MXD1: variants seen among roughly 807,000 people sequenced by gnomAD.
MXD1 encodes MAX dimerization protein 1.
In MXD1, 9 loss-of-function variants were observed where a neutral mutation model predicts 25.7. The observed-to-expected ratio is 0.35, with a 90% confidence interval of 0.21 to 0.61. The LOEUF (loss-of-function observed/expected upper bound fraction) is 0.61, where lower values mean the gene tolerates loss of function less well. MXD1 is among the 20% of genes least tolerant of loss of function. The probability of loss-of-function intolerance (pLI) is 0.75; values close to 1 mark genes in which losing one functional copy is unlikely to be tolerated. For missense variants in MXD1, 227 were observed against 292.4 expected (o/e 0.78, Z 1.63); for synonymous variants, 99 against 113.9 (o/e 0.87, Z 0.83).
intron 3 of MXD1, among the ~76,000 whole-genome samples, chr2:69,925,376 A>G (rs190950948): frequency 4.6e-4 from 70 of 152,326 alleles, no homozygotes; most frequent in African/African-American, 1.4e-3. Context: ...GAGAAAACCA[A>G]TGGAACTTGA....
rs1184431779 is a variant in MXD1, at chr2:69,942,009, C to T, written c.*3725C>T. The T allele has an allele frequency of 2.0e-5, 3 of 152,178 alleles. No individual in the cohort carries two copies. Among genetic ancestry groups the T allele is most frequent in the African/African-American group, 7.2e-5 (3 of 41,424 alleles). 9.4% of individuals were successfully genotyped at this position (152,178 alleles called of 1,614,324 possible). On this transcript the variant is annotated 3_prime_UTR_variant, in exon 6 of 6. Coordinates refer to ENST00000264444, the MANE Select transcript of MXD1 (RefSeq NM_002357.4). ...TTATTTTCTATTTTTTCATGAACCA[C>T]ACAGGAGACTTTAACATCCTGGTCT... is the stretch of plus-strand genomic sequence containing the variant.
chr2:69,925,772 T>C (rs1353259304), intron 3 of MXD1, among the ~76,000 whole-genome samples: 2 of 152,186 alleles, frequency 1.3e-5, no homozygotes, highest in Non-Finnish European at 2.9e-5. Flanking sequence ...AAAATCTCTG[T>C]CCAACATCAT....
rs1360034017 is a variant in MXD1, at chr2:69,942,369, T to C, written c.*4085T>C. ...AATAGGTGATTTATCATGGTTTTTT[T>C]CATTATCAATATTACATGGATGATT... On this transcript the variant is annotated 3_prime_UTR_variant, in exon 6 of 6. Transcript: ENST00000264444. 6.6e-6 allele frequency: 1 copy of C among 152,178 alleles called. No individual in the cohort carries two copies. Among genetic ancestry groups the C allele is most frequent in the Non-Finnish European group, 1.5e-5 (1 of 68,022 alleles). 9.4% of individuals were successfully genotyped at this position (152,178 alleles called of 1,614,324 possible).
In MXD1 at chr2:69,935,434, G is replaced by A; in HGVS notation, c.287G>A (p.Ser96Asn). The change falls in exon 4 of 6, where the codon AGT becomes AAT. Residue 96 changes from serine (S) to asparagine (N), a missense_variant. Physicochemically the swap from Ser to Asn is conservative, Grantham distance 46. Coordinates refer to ENST00000264444, the MANE Select transcript of MXD1 (RefSeq NM_002357.4). The part of the protein sequence containing the change: ...GPESSRHTTL[S>N]LLTKAKLHIK... Reference sequence around the variant, plus strand: ...GAATCAAGTCGACACACTACGTTGAGTTTATTAACAAAAGCCAAATTGCAC... The same window carrying A: ...GAATCAAGTCGACACACTACGTTGAATTTATTAACAAAAGCCAAATTGCAC... The A allele has an allele frequency of 6.2e-7, 1 of 1,614,054 alleles. No individual in the cohort carries two copies. Among genetic ancestry groups the A allele is most frequent in the Non-Finnish European group, 8.5e-7 (1 of 1,179,924 alleles).
intron 3 of MXD1, among the ~76,000 whole-genome samples, chr2:69,932,048 GT>G (rs1337128667): frequency 6.6e-6 from 1 of 152,222 alleles, no homozygotes; most frequent in Non-Finnish European, 1.5e-5. Flanking sequence ...ACCCCTGCTA[GT>G]TCCCCAAATG....
rs1182666987 is a variant in MXD1 at position 69,941,859 on chromosome 2, T to TACACACACAC, written c.*3576_*3577insCACACACACA. 7.4e-6 allele frequency: 1 copy of TACACACACAC among 135,182 alleles called. No homozygotes were observed. Among genetic ancestry groups the TACACACACAC allele is most frequent in the Non-Finnish European group, 1.5e-5 (1 of 66,490 alleles). 8.4% of individuals were successfully genotyped at this position (135,182 alleles called of 1,614,324 possible). ...AGAACTTATTTTTGAAAAGTATCTA[T>TACACACACAC]ATATACACACACACACACACACACA... On this transcript the variant is annotated 3_prime_UTR_variant, in exon 6 of 6. Transcript: ENST00000264444.
intron 2 of MXD1, among the ~76,000 whole-genome samples, chr2:69,918,559 A>T (rs1677002632): frequency 6.6e-6 from 1 of 152,328 alleles, no homozygotes; most frequent in Middle Eastern, 3.4e-3. Context: ...GTTTTGTTCA[A>T]TGAGTAAAGC....
chr2:69,928,677 G>A (rs1178510598), intron 3 of MXD1, among the ~76,000 whole-genome samples: 2 of 150,154 alleles, frequency 1.3e-5, no homozygotes, highest in Non-Finnish European at 3.0e-5. Context: ...GACCAGCCTG[G>A]GCAACATAGT....
chr2:69,926,016 C>A (rs371733543), intron 3 of MXD1, among the ~76,000 whole-genome samples: 11 of 152,222 alleles, frequency 7.2e-5, no homozygotes, highest in African/African-American at 2.6e-4. Flanking sequence ...ATTTTTATGT[C>A]TTTGACTCTG....
rs1306418901 is a variant in MXD1 at position 69,937,397 on chromosome 2, G to A, written c.478+3G>A. On this transcript the variant is annotated splice_donor_region_variant and intron_variant, in intron 5 of 5. Transcript: ENST00000264444. ...GGAGCGCTCCGACTCCGACAGGGGT[G>A]AGCCTCTCTCACTCTCCTCCCTGTC... 6.2e-7 allele frequency: 1 copy of A among 1,600,582 alleles called. No homozygotes were observed. The highest frequency in any genetic ancestry group is 8.5e-7 in the Non-Finnish European group (1 of 1,173,020).
intron 3 of MXD1, among the ~76,000 whole-genome samples, chr2:69,931,635 T>A (rs1677287437): frequency 6.6e-6 from 1 of 152,182 alleles, no homozygotes; most frequent in Non-Finnish European, 1.5e-5. Flanking sequence ...TTAAAAAAAT[T>A]AAAAATCAAC....
intron 3 of MXD1, 127 bp downstream of exon 3, chr2:69,921,892 G>A (rs917439372): frequency 3.5e-5 from 29 of 834,508 alleles, no homozygotes; most frequent in Admixed American, 5.7e-5. Context: ...TTCACCCAGC[G>A]CCCTCTAAGC....
At chr2:69,928,486 A>G (rs1573405415) in intron 3 of MXD1, among the ~76,000 whole-genome samples, 2 of 152,198 alleles carry the variant, frequency 1.3e-5, no homozygotes, top group South Asian at 4.1e-4. Context: ...CCTACAAATC[A>G]TTCTGCAATA....
At chr2:69,929,119 C>G (rs951012106) in intron 3 of MXD1, among the ~76,000 whole-genome samples, 1 of 152,190 alleles carries the variant, frequency 6.6e-6, no homozygotes, top group Non-Finnish European at 1.5e-5. Flanking sequence ...TCTCAAACTC[C>G]TGGCCTCAAG....
In MXD1 at chr2:69,916,197, C is replaced by CA; in HGVS notation, c.155dup (p.Asn53GlufsTer2). On this transcript the variant is annotated frameshift_variant, in exon 2 of 6. Coordinates refer to ENST00000264444, the MANE Select transcript of MXD1 (RefSeq NM_002357.4). LOFTEE classifies it high-confidence loss of function. ...ATGCCTTAAAACGGAGGAACAAATCCAAAAAGAATAACAGCAGTAGCAGGT... is the reference window on the plus strand; with the variant it reads ...ATGCCTTAAAACGGAGGAACAAATCCAAAAAAGAATAACAGCAGTAGCAGGT... 1 of 1,609,058 alleles carries CA rather than the reference C, an allele frequency of 6.2e-7. No individual in the cohort carries two copies. Among genetic ancestry groups the CA allele is most frequent in the Non-Finnish European group, 8.5e-7 (1 of 1,175,882 alleles).
intron 2 of MXD1, chr2:69,916,568 C>T (rs868614642): frequency 5.3e-6 from 1 of 187,836 alleles, no homozygotes; most frequent in Non-Finnish European, 1.1e-5. Flanking sequence ...GGCAAGTTTT[C>T]TATAAGTCAA....
Position 69,941,833 on chromosome 2 carries a change from G to C in MXD1, c.*3549G>C, listed in dbSNP as rs992710294. On this transcript the variant is annotated 3_prime_UTR_variant, in exon 6 of 6. Transcript: ENST00000264444. ...TTGCCTCTTCCCCATCCTTTCAAGAGAGAACTTATTTTTGAAAAGTATCTA... is the reference window on the plus strand; with the variant it reads ...TTGCCTCTTCCCCATCCTTTCAAGACAGAACTTATTTTTGAAAAGTATCTA... 31 of 152,016 alleles carry C rather than the reference G, an allele frequency of 2.0e-4. 1 individual carries two copies. Among genetic ancestry groups the C allele is most frequent in the African/African-American group, 6.3e-4 (26 of 41,428 alleles). 9.4% of individuals were successfully genotyped at this position (152,016 alleles called of 1,614,324 possible). A position where few individuals can be genotyped will look rare whatever the true frequency, so the allele number is the denominator to read the frequency against.
In MXD1 at chr2:69,935,473, T is replaced by C; in HGVS notation, c.318+8T>C. Reference sequence around the variant, plus strand: ...GCCAAATTGCACATAAAGGTAAGTGTATTGTTGGGATGCTGCTTTATCTTT... The same window carrying C: ...GCCAAATTGCACATAAAGGTAAGTGCATTGTTGGGATGCTGCTTTATCTTT... On this transcript the variant is annotated splice_region_variant and intron_variant, in intron 4 of 5. Coordinates refer to ENST00000264444, the MANE Select transcript of MXD1 (RefSeq NM_002357.4). The C allele has an allele frequency of 6.3e-7, 1 of 1,577,626 alleles. No homozygotes were observed. Among genetic ancestry groups the C allele is most frequent in the Non-Finnish European group, 8.7e-7 (1 of 1,146,846 alleles).
chr2:69,924,524 A>G lies in MXD1; in HGVS notation c.203+2759A>G, dbSNP rs115057852. Among the ~76,000 whole-genome samples the G allele has an allele frequency of 4.4e-3, 671 of 152,310 alleles. 6 individuals are homozygous for G. The highest frequency in any genetic ancestry group is 0.016 in the African/African-American group (645 of 41,574). On this transcript the variant is annotated intron_variant, in intron 3 of 5. Coordinates refer to ENST00000264444, the MANE Select transcript of MXD1 (RefSeq NM_002357.4). ...AGTTGCTGGGCTCCACTCTCTTATT[A>G]GCATGGATGCTTAAGAACTTCAGGG...
Sources: gnomAD v4.1 joint callset for allele counts (sites outside exome capture counted in the v4.1 genomes callset) on GRCh38, gnomAD v4.1.1 for gene constraint, MANE v1.5 for transcripts, NCBI Gene and HGNC (gene_info 2026-07-23, HGNC 2026-07-21) for gene names.